The following ST8SIA5 variants were observed in gnomAD, a reference collection of about 807,000 sequenced individuals.
ST8SIA5 encodes the protein ST8 alpha-N-acetyl-neuraminide alpha-2,8-sialyltransferase 5.
A neutral mutation model predicts 40.2 loss-of-function variants in ST8SIA5; 24 were observed. The ratio of observed to expected loss-of-function variants is 0.60; its 90% CI spans 0.43 to 0.84. The LOEUF (loss-of-function observed/expected upper bound fraction) is 0.84, where lower values mean the gene tolerates loss of function less well. Among genes scored for constraint, ST8SIA5 ranks in the 40% least tolerant of loss-of-function variants. The pLI is 0.00. For synonymous variants in ST8SIA5, 198 were observed against 201.8 expected (o/e 0.98, Z 0.16); for missense variants, 465 against 498.5 (o/e 0.93, Z 0.64).
chr18:46,711,212 C>T (rs2039729190), intron 1 of ST8SIA5, among the ~76,000 whole-genome samples: 1 of 152,210 alleles, frequency 6.6e-6, no homozygotes, highest in Non-Finnish European at 1.5e-5. Context: ...GTACTTCAGC[C>T]TCACTTGACT....
chr18:46,682,027 C>T lies in ST8SIA5; in HGVS notation c.607G>A (p.Asp203Asn), dbSNP rs777525997. ...LPPISEKYTM[D>N]VGVKTDVVTV... ...ACCACATCCGTCTTCACCCCCACAT[C>T]CATGGTGTACTTCTCTGAGATGGGG... Residue 203 changes from aspartate to asparagine, a missense_variant, in exon 6 of 7, where the codon GAT becomes AAT. Coordinates refer to ENST00000315087, the MANE Select transcript of ST8SIA5 (RefSeq NM_013305.6). The T allele has an allele frequency of 1.9e-6, 3 of 1,612,664 alleles. No individual in the cohort carries two copies. The highest frequency in any genetic ancestry group is 2.5e-6 in the Non-Finnish European group (3 of 1,179,604).
chr18:46,746,022 C>A (rs1159554035), intron 1 of ST8SIA5, among the ~76,000 whole-genome samples: 1 of 152,188 alleles, frequency 6.6e-6, no homozygotes, highest in Non-Finnish European at 1.5e-5. Context: ...AACAGCTCTT[C>A]ATGCTAAAAA....
chr18:46,703,215 G>A (rs555190347), intron 2 of ST8SIA5, among the ~76,000 whole-genome samples: 6 of 152,174 alleles, frequency 3.9e-5, no homozygotes, highest in East Asian at 1.9e-4. Flanking sequence ...ACGTGATCTC[G>A]GCTCACTGCA....
chr18:46,684,385 A>G (rs1260628808), intron 5 of ST8SIA5, among the ~76,000 whole-genome samples: 2 of 152,168 alleles, frequency 1.3e-5, no homozygotes, highest in Non-Finnish European at 2.9e-5. Flanking sequence ...TTAAAATAAC[A>G]TTTTCCTTAT....
chr18:46,698,682 A>G lies in ST8SIA5; in HGVS notation c.224+5890T>C, dbSNP rs568609897. Among the ~76,000 whole-genome samples the G allele has an allele frequency of 2.1e-4, 32 of 152,352 alleles. 1 individual carries two copies. The South Asian group carries it at 6.4e-3, about 31-fold the overall frequency. ...TTTACTTGAGAATGGGTGGAAGTAA[A>G]AGGAAGAAGTAAACACAAAAGAAGC... On this transcript the variant is annotated intron_variant, in intron 2 of 6. Transcript: ENST00000315087.
At chr18:46,702,677 G>T (rs2039630274) in intron 2 of ST8SIA5, among the ~76,000 whole-genome samples, 1 of 152,178 alleles carries the variant, frequency 6.6e-6, no homozygotes, top group Non-Finnish European at 1.5e-5. Context: ...CCCTTCCTCA[G>T]AGAAGCGTTG....
chr18:46,688,334 A>G (rs2039468539), intron 4 of ST8SIA5, among the ~76,000 whole-genome samples: 1 of 152,176 alleles, frequency 6.6e-6, no homozygotes, highest in Non-Finnish European at 1.5e-5. Flanking sequence ...TGAAAGACAA[A>G]ATATCTGCCC....
At chr18:46,712,393 T>C (rs1227190883) in intron 1 of ST8SIA5, among the ~76,000 whole-genome samples, 3 of 152,100 alleles carry the variant, frequency 2.0e-5, no homozygotes, top group African/African-American at 7.2e-5. Flanking sequence ...GTAGTCCCCA[T>C]CTCCACCCCA....
chr18:46,753,385 AC>A (rs1252906431), intron 1 of ST8SIA5, among the ~76,000 whole-genome samples: 3 of 152,082 alleles, frequency 2.0e-5, no homozygotes, highest in Non-Finnish European at 1.5e-5. Context: ...ATCCTGGCTA[AC>A]AGGCTGAAAA....
chr18:46,724,791 T>G (rs1362489700), intron 1 of ST8SIA5, among the ~76,000 whole-genome samples: 2 of 152,016 alleles, frequency 1.3e-5, no homozygotes, highest in Non-Finnish European at 2.9e-5. Context: ...CTAGCCAACA[T>G]GGTGAAACCC....
At chr18:46,737,577 G>T (rs2040047291) in intron 1 of ST8SIA5, among the ~76,000 whole-genome samples, 1 of 152,174 alleles carries the variant, frequency 6.6e-6, no homozygotes, top group African/African-American at 2.4e-5. Context: ...ACTTAGAGAT[G>T]AATAAAGCAT....
In ST8SIA5 at chr18:46,679,520, A is replaced by T; in HGVS notation, c.*522T>A. 6.2e-6 allele frequency: 1 copy of T among 160,864 alleles called. No individual in the cohort carries two copies. Among genetic ancestry groups the T allele is most frequent in the Admixed American group, 5.7e-5 (1 of 17,414 alleles). 10.0% of individuals were successfully genotyped at this position (160,864 alleles called of 1,614,324 possible). A position where few individuals can be genotyped will look rare whatever the true frequency, so the allele number is the denominator to read the frequency against. On this transcript the variant is annotated 3_prime_UTR_variant, in exon 7 of 7. Transcript: ENST00000315087. The stretch of plus-strand genomic sequence containing the variant: ...GGTCTAGTCACTGGGTTGGCTTCTA[A>T]GCTCTGAGATTTAGATAGCAATTCA...
intron 1 of ST8SIA5, among the ~76,000 whole-genome samples, chr18:46,707,431 T>G (rs1158322091): frequency 6.6e-6 from 1 of 152,214 alleles, no homozygotes; most frequent in Non-Finnish European, 1.5e-5. Flanking sequence ...GTACCTCCTC[T>G]TCAATCAGCC....
intron 1 of ST8SIA5, among the ~76,000 whole-genome samples, chr18:46,713,841 C>T (rs967497008): frequency 3.3e-5 from 5 of 152,098 alleles, no homozygotes; most frequent in Non-Finnish European, 7.3e-5. Flanking sequence ...GCCCCTCTGC[C>T]GTAGGTGGAA....
chr18:46,721,124 CT>C (rs1339787663), intron 1 of ST8SIA5, among the ~76,000 whole-genome samples: 2 of 152,192 alleles, frequency 1.3e-5, no homozygotes, highest in Non-Finnish European at 2.9e-5. Flanking sequence ...ACCCTACCCC[CT>C]GATAGAAGGG....
At chr18:46,749,746 T>C (rs946687924) in intron 1 of ST8SIA5, among the ~76,000 whole-genome samples, 6 of 152,210 alleles carry the variant, frequency 3.9e-5, no homozygotes, top group Non-Finnish European at 7.3e-5. Flanking sequence ...TAGACATGAA[T>C]TGTTACGGAC....
intron 1 of ST8SIA5, among the ~76,000 whole-genome samples, chr18:46,710,341 C>CTTTCCTT (rs1568262901): frequency 2.6e-5 from 4 of 151,252 alleles, no homozygotes; most frequent in African/African-American, 4.9e-5. Context: ...TCTTTTTCTT[C>CTTTCCTT]CTTTCCTTCT....
chr18:46,685,427 C>T (rs1488031236), intron 5 of ST8SIA5, among the ~76,000 whole-genome samples: 1 of 152,198 alleles, frequency 6.6e-6, no homozygotes, highest in East Asian at 1.9e-4. Flanking sequence ...CACACTCCGC[C>T]TGTGACAGCA....
rs1414115438 is a variant in ST8SIA5 at position 46,725,973 on chromosome 18, ATATATATATAT to A, written c.132-21320_132-21310del. 2.8e-3 allele frequency among the ~76,000 whole-genome samples: 70 copies of A among 25,086 alleles called. 6 individuals carry two copies. The South Asian group carries it at 0.04, about 14-fold the overall frequency. 16.5% of individuals were successfully genotyped at this position (25,086 alleles called of 152,430 possible). A position where few individuals can be genotyped will look rare whatever the true frequency, so the allele number is the denominator to read the frequency against. On this transcript the variant is annotated intron_variant, in intron 1 of 6. Coordinates refer to ENST00000315087, the MANE Select transcript of ST8SIA5 (RefSeq NM_013305.6). ...CCATCTCTACTTAAAAAAAAAAAAA[ATATATATATAT>A]ATATATATATATATATATATATATA...
Sources: gnomAD v4.1 joint callset for allele counts (sites outside exome capture counted in the v4.1 genomes callset) on GRCh38, gnomAD v4.1.1 for gene constraint, MANE v1.5 for transcripts, NCBI Gene and HGNC (gene_info 2026-07-23, HGNC 2026-07-21) for gene names.